The following TMEM135 variants were observed in gnomAD, a reference collection of about 807,000 sequenced individuals.
TMEM135 encodes the protein peroxisomal membrane protein 52.
A neutral mutation model predicts 60.3 loss-of-function variants in TMEM135; 30 were observed. That is an observed-to-expected ratio of 0.50 (90% CI 0.37 to 0.68). The LOEUF (loss-of-function observed/expected upper bound fraction) is 0.68. TMEM135 is among the 30% of genes least tolerant of loss of function. The probability of loss-of-function intolerance (pLI) is 0.00; values close to 1 mark genes in which losing one functional copy is unlikely to be tolerated. For missense variants in TMEM135, 468 were observed against 548.8 expected, an observed-to-expected ratio of 0.85 and a Z score of 1.47; for synonymous variants, 190 against 186.7, an observed-to-expected ratio of 1.02 and a Z score of -0.14.
intron 1 of TMEM135, among the ~76,000 whole-genome samples, chr11:87,067,141 A>T (rs191256413): frequency 1.4e-5 from 2 of 147,864 alleles, no homozygotes; most frequent in Admixed American, 1.3e-4. Flanking sequence ...GAGGCCAGAA[A>T]TCATTATTTT....
At chr11:87,120,067 G>T (rs547963619) in intron 4 of TMEM135, among the ~76,000 whole-genome samples, 1 of 149,982 alleles carries the variant, frequency 6.7e-6, no homozygotes, top group Non-Finnish European at 1.5e-5. Flanking sequence ...TGGGAAAAGG[G>T]TTTCATGTTA....
intron 6 of TMEM135, among the ~76,000 whole-genome samples, chr11:87,245,937 T>C (rs908752112): frequency 9.5e-6 from 1 of 104,860 alleles, no homozygotes; most frequent in African/African-American, 3.7e-5. Flanking sequence ...TTGCAATTTC[T>C]TCCTAGCCTC....
chr11:87,321,315 GC>G lies in TMEM135; in HGVS notation c.1362del (p.Thr455GlnfsTer13). The G allele has an allele frequency of 6.2e-7, 1 of 1,613,578 alleles. No homozygotes were observed. Among genetic ancestry groups the G allele is most frequent in the Non-Finnish European group, 8.5e-7 (1 of 1,179,646 alleles). On this transcript the variant is annotated frameshift_variant, in exon 15 of 15. Transcript: ENST00000305494. LOFTEE classifies it high-confidence loss of function. Reference protein sequence around the residue: ...PRYTTVTPELPTEFS With the variant: ...PRYTTVTPELXTEFS ...GATACACAACTGTAACACCAGAGTT[GC>G]CCACAGAGTTTTCCTGAAGATGACT...
rs914350885 is a variant in TMEM135 at position 87,326,863 on chromosome 11, G to T, written c.*5530G>T. On this transcript the variant is annotated 3_prime_UTR_variant, in exon 15 of 15. Transcript: ENST00000305494. Reference sequence around the variant, plus strand: ...GGCTCTCTTCAGAACCAAAGGGCAGGATAAATAAATCTATGAAACTAGAGG... The same window carrying T: ...GGCTCTCTTCAGAACCAAAGGGCAGTATAAATAAATCTATGAAACTAGAGG... 8.9e-6 allele frequency: 4 copies of T among 450,964 alleles called. No individual in the cohort carries two copies. Among genetic ancestry groups the T allele is most frequent in the East Asian group, 7.0e-5 (1 of 14,306 alleles). 27.9% of individuals were successfully genotyped at this position (450,964 alleles called of 1,614,324 possible). A position where few individuals can be genotyped will look rare whatever the true frequency, so the allele number is the denominator to read the frequency against.
chr11:87,233,633 A>T (rs1219580835), intron 5 of TMEM135, among the ~76,000 whole-genome samples: 1 of 152,126 alleles, frequency 6.6e-6, no homozygotes, highest in Non-Finnish European at 1.5e-5. Context: ...AATCATTTAG[A>T]TAGCCACACG....
intron 3 of TMEM135, among the ~76,000 whole-genome samples, chr11:87,074,885 A>G (rs1021426493): frequency 2.6e-5 from 4 of 152,168 alleles, no homozygotes; most frequent in Admixed American, 2.0e-4. Flanking sequence ...ATTTTTTTGA[A>G]CCAGAATCTA....
chr11:87,135,478 T>C (rs1194168936), intron 4 of TMEM135, among the ~76,000 whole-genome samples: 1 of 142,030 alleles, frequency 7.0e-6, no homozygotes, highest in African/African-American at 2.6e-5. Flanking sequence ...TAGCACCATT[T>C]ATTGAAGAGT....
chr11:87,323,425 T>G lies in TMEM135; in HGVS notation c.*2092T>G, dbSNP rs1237981714. The G allele has an allele frequency of 1.3e-5, 6 of 454,002 alleles. No individual in the cohort carries two copies. The highest frequency in any genetic ancestry group is 3.1e-5 in the South Asian group (2 of 64,468). 28.1% of individuals were successfully genotyped at this position (454,002 alleles called of 1,614,324 possible). A position where few individuals can be genotyped will look rare whatever the true frequency, so the allele number is the denominator to read the frequency against. On this transcript the variant is annotated 3_prime_UTR_variant, in exon 15 of 15. Transcript: ENST00000305494. ...GCAAACACAAAGAAACTTTGTGTTT[T>G]TGAAGACAATCAGAATGATTACCTT...
At chr11:87,140,426 G>A (rs902535577) in intron 4 of TMEM135, among the ~76,000 whole-genome samples, 2 of 152,186 alleles carry the variant, frequency 1.3e-5, no homozygotes, top group African/African-American at 4.8e-5. Flanking sequence ...TGACTGCAAA[G>A]AGCAAAAGGT....
intron 5 of TMEM135, among the ~76,000 whole-genome samples, chr11:87,234,882 AT>A (rs138508921): frequency 0.065 from 9,851 of 152,014 alleles, 343 homozygotes; most frequent in African/African-American, 0.086. Context: ...ACCTGGCAAC[AT>A]TTTGAGGGAA....
intron 1 of TMEM135, among the ~76,000 whole-genome samples, chr11:87,043,634 A>C (rs958218651): frequency 3.3e-5 from 5 of 151,996 alleles, no homozygotes; most frequent in African/African-American, 1.2e-4. Flanking sequence ...GAAGCAGGAG[A>C]ATCACTTGAA....
At chr11:87,112,347 T>C (rs765873367) in intron 4 of TMEM135, among the ~76,000 whole-genome samples, 3 of 151,440 alleles carry the variant, frequency 2.0e-5, no homozygotes, top group Non-Finnish European at 4.4e-5. Context: ...TTCATTCAGT[T>C]AACTACTTAA....
intron 4 of TMEM135, among the ~76,000 whole-genome samples, chr11:87,129,213 ATTTTTTTTTT>A (rs71040295): frequency 1.7e-5 from 2 of 116,268 alleles, no homozygotes; most frequent in Non-Finnish European, 3.8e-5. Flanking sequence ...TTATTCCTTA[ATTTTTTTTTT>A]TTTTTTTTTT....
intron 1 of TMEM135, among the ~76,000 whole-genome samples, chr11:87,062,593 T>C (rs1454118722): frequency 6.6e-6 from 1 of 151,444 alleles, no homozygotes; most frequent in Non-Finnish European, 1.5e-5. Context: ...GCCTCCTGAG[T>C]AGCTGGGATT....
At chr11:87,047,686 T>G (rs1408180408) in intron 1 of TMEM135, among the ~76,000 whole-genome samples, 3 of 119,534 alleles carry the variant, frequency 2.5e-5, no homozygotes, top group South Asian at 2.9e-4. Context: ...TCTCGCTGAT[T>G]GCTAGCACAG....
At position 87,326,372 on chromosome 11, in the gene TMEM135, A is replaced by G. The variant is rs975436367; in HGVS notation, c.*5039A>G. The stretch of plus-strand genomic sequence containing the variant: ...TTTCCTCCATCCCTGAACTAGGACC[A>G]GTTAATTTTCGAAGTCTAGTTCTTC... On this transcript the variant is annotated 3_prime_UTR_variant, in exon 15 of 15. Transcript: ENST00000305494. 2.2e-6 allele frequency: 1 copy of G among 454,084 alleles called. No individual in the cohort carries two copies. The allele number at this position is 454,084 out of a possible 1,614,324, so 28.1% of individuals were successfully genotyped here. A position where few individuals can be genotyped will look rare whatever the true frequency, so the allele number is the denominator to read the frequency against.
rs4480563 is a variant in TMEM135 at position 87,328,360 on chromosome 11, G to A, written c.*7027G>A. On this transcript the variant is annotated 3_prime_UTR_variant, in exon 15 of 15. Transcript: ENST00000305494. ...TGTCATTTAATTAAGGAATGAATTT[G>A]CTTATTTTTATTTCAGTAGCTTTTG... 0.45 allele frequency: 203,896 copies of A among 453,634 alleles called. 48,317 individuals are homozygous for A. Among genetic ancestry groups the A allele is most frequent in the Non-Finnish European group, 0.52 (117,635 of 226,666 alleles). The allele number at this position is 453,634 out of a possible 1,614,324, so 28.1% of individuals were successfully genotyped here. A position where few individuals can be genotyped will look rare whatever the true frequency, so the allele number is the denominator to read the frequency against.
intron 3 of TMEM135, among the ~76,000 whole-genome samples, chr11:87,088,912 G>C (rs1239859219): frequency 3.3e-5 from 5 of 152,128 alleles, no homozygotes; most frequent in African/African-American, 4.8e-5. Context: ...TTATGATTGA[G>C]CACCAGCATG....
chr11:87,044,425 A>C (rs1401764318), intron 1 of TMEM135, among the ~76,000 whole-genome samples: 1 of 152,116 alleles, frequency 6.6e-6, no homozygotes, highest in African/African-American at 2.4e-5. Context: ...AAATAAAATA[A>C]GAAACCCTGA....
Sources: gnomAD v4.1 joint callset for allele counts (sites outside exome capture counted in the v4.1 genomes callset) on GRCh38, gnomAD v4.1.1 for gene constraint, MANE v1.5 for transcripts, NCBI Gene and HGNC (gene_info 2026-07-23, HGNC 2026-07-21) for gene names.